Variants in COL23A1 observed in about 807,000 individuals in gnomAD.
The protein encoded by COL23A1 is collagen alpha-1(XXIII) chain.
Under a neutral mutation model 99.3 loss-of-function variants are expected in COL23A1, and 97 were observed. That is an observed-to-expected ratio of 0.98 (90% CI 0.83 to 1.16). The LOEUF (loss-of-function observed/expected upper bound fraction) is 1.16. Ranked by LOEUF, COL23A1 falls within the 50% of genes most tolerant of loss-of-function variation. The pLI, the probability that COL23A1 is intolerant of heterozygous loss-of-function variation, is 0.00. For missense variants in COL23A1, 762 were observed against 757.4 expected, an observed-to-expected ratio of 1.01 and a Z score of -0.07; for synonymous variants, 320 against 308.2, an observed-to-expected ratio of 1.04 and a Z score of -0.40.
At chr5:178,449,149 A>G (rs954698255) in intron 2 of COL23A1, among the ~76,000 whole-genome samples, 3 of 152,154 alleles carry the variant, frequency 2.0e-5, no homozygotes, top group Non-Finnish European at 1.5e-5. Context: ...GGCCAGAATT[A>G]TGAGAAATAT....
intron 1 of COL23A1, among the ~76,000 whole-genome samples, chr5:178,571,979 A>G (rs1294440025): frequency 6.6e-6 from 1 of 151,114 alleles, no homozygotes. Context: ...GAGGCAGGAG[A>G]ATGGCGTGAA....
rs201025509 is a variant in COL23A1 at position 178,358,550 on chromosome 5, ATG to A, written c.362-51633_362-51632del. ...ATGTCTAGTGTGTGTATGTGTGTGT[ATG>A]TGTACGTGTGTATGTCTAATGTGTA... On this transcript the variant is annotated intron_variant, in intron 2 of 28. Coordinates refer to ENST00000390654, the MANE Select transcript of COL23A1 (RefSeq NM_173465.4). Among the ~76,000 whole-genome samples the A allele has an allele frequency of 1.1e-3, 154 of 137,810 alleles. 4 individuals carry two copies. In the East Asian group the frequency reaches 0.026, roughly 23 times the overall value. 90.4% of individuals were successfully genotyped at this position (137,810 alleles called of 152,430 possible). A position where few individuals can be genotyped will look rare whatever the true frequency, so the allele number is the denominator to read the frequency against.
chr5:178,427,646 C>T (rs887662769), intron 2 of COL23A1, among the ~76,000 whole-genome samples: 1 of 152,158 alleles, frequency 6.6e-6, no homozygotes, highest in Non-Finnish European at 1.5e-5. Context: ...AATGAGCTCT[C>T]AAGCCAGGAA....
chr5:178,256,734 G>T, intron 14 of COL23A1, 132 bp downstream of exon 14: 1 of 847,998 alleles, frequency 1.2e-6, no homozygotes, highest in Non-Finnish European at 1.8e-6. Flanking sequence ...AGAGTGCTGA[G>T]GGAGACCCCT....
At chr5:178,294,945 C>A (rs2127591412) in intron 3 of COL23A1, among the ~76,000 whole-genome samples, 1 of 152,330 alleles carries the variant, frequency 6.6e-6, no homozygotes, top group South Asian at 2.1e-4. Context: ...AGTTTGAGAT[C>A]AGCCTGGCCA....
chr5:178,368,576 A>G (rs1396595062), intron 2 of COL23A1, among the ~76,000 whole-genome samples: 1 of 152,188 alleles, frequency 6.6e-6, no homozygotes, highest in Non-Finnish European at 1.5e-5. Flanking sequence ...CCCTAAAAGT[A>G]GTCTAAGCTC....
At chr5:178,417,963 C>G (rs907997944) in intron 2 of COL23A1, among the ~76,000 whole-genome samples, 1 of 152,346 alleles carries the variant, frequency 6.6e-6, no homozygotes, top group Middle Eastern at 3.4e-3. Flanking sequence ...GCCTCTCTGT[C>G]AAGAGTTTCT....
intron 2 of COL23A1, among the ~76,000 whole-genome samples, chr5:178,413,565 C>T (rs898398310): frequency 6.6e-6 from 1 of 152,342 alleles, no homozygotes; most frequent in South Asian, 2.1e-4. Context: ...GACATGGTTT[C>T]TGATCTCACC....
chr5:178,327,206 A>G (rs1472399562), intron 2 of COL23A1, among the ~76,000 whole-genome samples: 3 of 152,214 alleles, frequency 2.0e-5, no homozygotes, highest in Non-Finnish European at 4.4e-5. Context: ...GTACTGGGAT[A>G]CTTCGGTGAG....
chr5:178,345,047 C>A, intron 2 of COL23A1: 1 of 584,138 alleles, frequency 1.7e-6, no homozygotes, highest in South Asian at 1.5e-5. Context: ...TCTCCAGAGT[C>A]ATTTGGAATC....
At chr5:178,578,602 T>C (rs530448041) in intron 1 of COL23A1, among the ~76,000 whole-genome samples, 2 of 152,238 alleles carry the variant, frequency 1.3e-5, no homozygotes, top group Non-Finnish European at 2.9e-5. Context: ...CAGCTCAGAG[T>C]TGGAAACAAA....
chr5:178,540,414 C>T (rs1245346329), intron 2 of COL23A1, among the ~76,000 whole-genome samples: 1 of 152,124 alleles, frequency 6.6e-6, no homozygotes, highest in Non-Finnish European at 1.5e-5. Context: ...TACCTATCTA[C>T]ACAAGTTCAC....
chr5:178,377,708 C>A lies in COL23A1; in HGVS notation c.362-70789G>T, dbSNP rs115630823. On this transcript the variant is annotated intron_variant, in intron 2 of 28. Transcript: ENST00000390654. ...AGGTGGTGTGGACAAGCGCGCGAGT[C>A]ACGGTCACAGTCTGTCACCGGGAGG... 5.8e-3 allele frequency among the ~76,000 whole-genome samples: 876 copies of A among 152,268 alleles called. 12 individuals carry two copies. The highest frequency in any genetic ancestry group is 0.02 in the African/African-American group (829 of 41,558).
At chr5:178,479,332 G>A (rs972877721) in intron 2 of COL23A1, among the ~76,000 whole-genome samples, 2 of 152,086 alleles carry the variant, frequency 1.3e-5, no homozygotes, top group Non-Finnish European at 2.9e-5. Context: ...TCACTCCCAC[G>A]CCTGTGCTCC....
At chr5:178,266,614 A>C (rs1755917413) in intron 8 of COL23A1, among the ~76,000 whole-genome samples, 1 of 152,180 alleles carries the variant, frequency 6.6e-6, no homozygotes, top group South Asian at 2.1e-4. Flanking sequence ...AAAACTCAGC[A>C]TGAGCGCCCT....
chr5:178,576,704 C>T (rs1177365176), intron 1 of COL23A1, among the ~76,000 whole-genome samples: 3 of 152,056 alleles, frequency 2.0e-5, no homozygotes. Context: ...CCCACGGCCG[C>T]GGTCTCCTCC....
rs1409853368 is a variant in COL23A1 at position 178,310,773 on chromosome 5, A to G, written c.362-3854T>C. 6.6e-6 allele frequency among the ~76,000 whole-genome samples: 1 copy of G among 152,076 alleles called. No individual in the cohort carries two copies. The highest frequency in any genetic ancestry group is 1.5e-5 in the Non-Finnish European group (1 of 68,004). Reference sequence around the variant, plus strand: ...GAGCAGGGCCAGCTTGGCTGCAGCTAAGACCTGGCTCCAACAAGCAAAACC... The same window carrying G: ...GAGCAGGGCCAGCTTGGCTGCAGCTGAGACCTGGCTCCAACAAGCAAAACC... On this transcript the variant is annotated intron_variant, in intron 2 of 28. Transcript: ENST00000390654. The surrounding 1 kb of genome is among the most constrained non-coding windows in gnomAD (Gnocchi z 4.3).
Position 178,310,174 on chromosome 5 carries a change from C to T in COL23A1, c.362-3255G>A, listed in dbSNP as rs925916022. On this transcript the variant is annotated intron_variant, in intron 2 of 28. Transcript: ENST00000390654. This position sits in a 1 kb window ranked among gnomAD's most constrained non-coding sequence, Gnocchi z 4.3. The stretch of plus-strand genomic sequence containing the variant: ...AGGCCCTGGGAGAGGGCGAGTGTGC[C>T]GGAGCTGCACTCCCTGCTGACTGTG... 4.6e-5 allele frequency among the ~76,000 whole-genome samples: 7 copies of T among 152,120 alleles called. No homozygotes were observed. Among genetic ancestry groups the T allele is most frequent in the Non-Finnish European group, 7.4e-5 (5 of 68,016 alleles).
In COL23A1 at chr5:178,310,160, G is replaced by A. The variant is rs1430786442; in HGVS notation, c.362-3241C>T. 1.3e-5 allele frequency among the ~76,000 whole-genome samples: 2 copies of A among 152,236 alleles called. No individual in the cohort carries two copies. Among genetic ancestry groups the A allele is most frequent in the Non-Finnish European group, 2.9e-5 (2 of 68,040 alleles). On this transcript the variant is annotated intron_variant, in intron 2 of 28. Coordinates refer to ENST00000390654, the MANE Select transcript of COL23A1 (RefSeq NM_173465.4). This position sits in a 1 kb window ranked among gnomAD's most constrained non-coding sequence, Gnocchi z 4.3. ...GAAGACAGGCGGTGAGGCCCTGGGA[G>A]AGGGCGAGTGTGCCGGAGCTGCACT...
Sources: gnomAD v4.1 joint callset for allele counts (sites outside exome capture counted in the v4.1 genomes callset) on GRCh38, gnomAD v4.1.1 for gene constraint, Gnocchi (gnomAD v3.1) non-coding constraint, MANE v1.5 for transcripts, NCBI Gene and HGNC (gene_info 2026-07-23, HGNC 2026-07-21) for gene names.